PCDH15: variants seen among roughly 807,000 people sequenced by gnomAD.
PCDH15 encodes protocadherin related 15.
Under a neutral mutation model 178.5 loss-of-function variants are expected in PCDH15, and 129 were observed. The observed-to-expected ratio is 0.72, with a 90% CI of 0.63 to 0.84. The LOEUF (loss-of-function observed/expected upper bound fraction) is 0.84. Among genes scored for constraint, PCDH15 ranks in the 40% least tolerant of loss-of-function variants. The probability of loss-of-function intolerance (pLI) is 0.00; values close to 1 mark genes in which losing one functional copy is unlikely to be tolerated. For synonymous variants in PCDH15, 800 were observed against 732.0 expected (o/e 1.09, Z -1.50); for missense variants, 2,230 against 2,099.9 (o/e 1.06, Z -1.21).
chr10:54,761,468 G>A (rs574572253), intron 1 of PCDH15, among the ~76,000 whole-genome samples: 5 of 152,062 alleles, frequency 3.3e-5, no homozygotes, highest in Non-Finnish European at 7.4e-5. Flanking sequence ...GATCACTTGA[G>A]GTCAGGAGTT....
intron 6 of PCDH15, among the ~76,000 whole-genome samples, chr10:54,344,913 A>C (rs1942964830): frequency 6.9e-6 from 1 of 145,348 alleles, no homozygotes; most frequent in African/African-American, 2.5e-5. Flanking sequence ...GCAAAAAAAA[A>C]AAAAAAAAAA....
intron 2 of PCDH15, among the ~76,000 whole-genome samples, chr10:55,015,240 T>C (rs1840142299): frequency 1.3e-5 from 2 of 152,126 alleles, no homozygotes; most frequent in Non-Finnish European, 2.9e-5. Context: ...TTATTTGTAA[T>C]ATAAATTTAA....
chr10:55,197,810 T>A (rs1283794019), intron 1 of PCDH15, among the ~76,000 whole-genome samples: 1 of 152,118 alleles, frequency 6.6e-6, no homozygotes, highest in Non-Finnish European at 1.5e-5. Context: ...ACATTCCCAT[T>A]ATGCATCTAA....
intron 2 of PCDH15, among the ~76,000 whole-genome samples, chr10:54,597,531 A>C (rs1174329618): frequency 6.6e-6 from 1 of 152,040 alleles, no homozygotes; most frequent in Non-Finnish European, 1.5e-5. Flanking sequence ...TATCATAGTT[A>C]AAAAGCTACA....
intron 2 of PCDH15, among the ~76,000 whole-genome samples, chr10:55,135,863 C>T (rs1265752780): frequency 6.6e-6 from 1 of 152,024 alleles, no homozygotes; most frequent in Admixed American, 6.5e-5. Flanking sequence ...GGATTACAGG[C>T]GTGAGCCACT....
At chr10:55,573,587 T>C (rs1029878032) in intron 2 of PCDH15, among the ~76,000 whole-genome samples, 2 of 152,088 alleles carry the variant, frequency 1.3e-5, no homozygotes, top group Admixed American at 6.6e-5. Flanking sequence ...TATTTGAAAA[T>C]AATCAAATGT....
Position 55,231,923 on chromosome 10 carries a change from A to G in PCDH15, c.-155-65272T>C, listed in dbSNP as rs141402754. Among the ~76,000 whole-genome samples, 618 of 152,186 alleles carry G rather than the reference A, an allele frequency of 4.1e-3. 8 individuals carry two copies. Among genetic ancestry groups the G allele is most frequent in the African/African-American group, 0.014 (598 of 41,528 alleles). On this transcript the variant is annotated intron_variant, in intron 1 of 5. Coordinates refer to the PCDH15 transcript ENST00000458638. The stretch of plus-strand genomic sequence containing the variant: ...AATAATTTCTATAATAAGATTAATA[A>G]TAGGAAGGGTAATTATATTTCCATT...
At chr10:54,115,353 G>A (rs1442194393) in intron 15 of PCDH15, among the ~76,000 whole-genome samples, 1 of 152,154 alleles carries the variant, frequency 6.6e-6, no homozygotes, top group Non-Finnish European at 1.5e-5. Flanking sequence ...ATTGAGCATG[G>A]GAAATACTAA....
chr10:54,427,919 C>T (rs2135953621), intron 3 of PCDH15, among the ~76,000 whole-genome samples: 1 of 152,232 alleles, frequency 6.6e-6, no homozygotes, highest in East Asian at 1.9e-4. Flanking sequence ...GCTACAATTC[C>T]TCAGCATAAG....
intron 1 of PCDH15, among the ~76,000 whole-genome samples, chr10:55,198,846 T>C (rs1840165937): frequency 6.6e-6 from 1 of 152,054 alleles, no homozygotes; most frequent in Admixed American, 6.5e-5. Context: ...TCTCCTGCTC[T>C]GTCATTGTAA....
chr10:55,342,198 C>T (rs1283544241), intron 2 of PCDH15, among the ~76,000 whole-genome samples: 1 of 151,090 alleles, frequency 6.6e-6, no homozygotes, highest in African/African-American at 2.4e-5. Context: ...TGTGAATGAC[C>T]TACAAGATTA....
chr10:53,876,305 A>G (rs1298518971), intron 26 of PCDH15, among the ~76,000 whole-genome samples: 1 of 151,494 alleles, frequency 6.6e-6, no homozygotes, highest in East Asian at 2.0e-4. Context: ...CCCCTGCCTC[A>G]GCCACCTGAG....
intron 2 of PCDH15, among the ~76,000 whole-genome samples, chr10:55,066,775 TTTTTA>T (rs1407989764): frequency 6.0e-5 from 9 of 149,066 alleles, no homozygotes; most frequent in African/African-American, 2.0e-4. Flanking sequence ...TTACATGAGG[TTTTTA>T]TTTTATTTTA....
chr10:54,661,565 A>G (rs2094492522), intron 2 of PCDH15, among the ~76,000 whole-genome samples: 1 of 151,944 alleles, frequency 6.6e-6, no homozygotes, highest in Non-Finnish European at 1.5e-5. Flanking sequence ...TAAAATACAT[A>G]TGGAACCAAA....
At chr10:53,869,168 T>C (rs77769570) in intron 26 of PCDH15, among the ~76,000 whole-genome samples, 12 of 152,332 alleles carry the variant, frequency 7.9e-5, no homozygotes, top group Non-Finnish European at 1.3e-4. Flanking sequence ...AGATAGTTTA[T>C]ATGGCTTACA....
intron 2 of PCDH15, among the ~76,000 whole-genome samples, chr10:54,937,889 G>A (rs1206756690): frequency 6.6e-6 from 1 of 151,954 alleles, no homozygotes; most frequent in Admixed American, 6.6e-5. Context: ...TGTCAAATGG[G>A]AATGGTAAGA....
chr10:54,838,321 C>T (rs902310718), intron 3 of PCDH15, among the ~76,000 whole-genome samples: 5 of 152,044 alleles, frequency 3.3e-5, no homozygotes, highest in Admixed American at 6.6e-5. Flanking sequence ...ATGTGGTTCT[C>T]GTGATAGTAA....
intron 27 of PCDH15, among the ~76,000 whole-genome samples, chr10:53,866,357 T>A (rs925965541): frequency 6.6e-6 from 1 of 151,776 alleles, no homozygotes; most frequent in Non-Finnish European, 1.5e-5. Flanking sequence ...CCAGTGCTTA[T>A]ACCTTTGCTG....
intron 6 of PCDH15, among the ~76,000 whole-genome samples, chr10:54,335,924 C>A (rs1432187604): frequency 2.0e-5 from 3 of 152,140 alleles, no homozygotes; most frequent in Admixed American, 6.5e-5. Flanking sequence ...TTCCTAGAGA[C>A]TTTTTCATTG....
Sources: allele counts gnomAD v4.1 joint callset (sites outside exome capture counted in the v4.1 genomes callset), GRCh38; gene constraint gnomAD v4.1.1; transcripts MANE v1.5; gene names NCBI Gene and HGNC (gene_info 2026-07-23, HGNC 2026-07-21).